Variants in DNAJB1 observed in about 807,000 individuals in gnomAD.
DNAJB1 encodes DnaJ heat shock protein family (Hsp40) member B1, also known as dnaJ homolog subfamily B member 1.
A neutral mutation model predicts 24.0 loss-of-function variants in DNAJB1; 14 were observed. The observed-to-expected ratio is 0.58, with a 90% CI of 0.39 to 0.91. DNAJB1 has a LOEUF of 0.91. DNAJB1 is among the 40% of genes least tolerant of loss of function. DNAJB1 has a pLI of 0.00. For missense variants in DNAJB1, 517 were observed against 458.1 expected, an observed-to-expected ratio of 1.13 and a Z score of -1.17; for synonymous variants, 262 against 174.4, an observed-to-expected ratio of 1.50 and a Z score of -3.96.
At chr19:14,521,658 G>C (rs2072361667), upstream of DNAJB1, among the ~76,000 whole-genome samples, 1 of 152,076 alleles carries the variant, frequency 6.6e-6, no homozygotes, top group Non-Finnish European at 1.5e-5. Flanking sequence ...TTTCACTCTT[G>C]TAGCCCAGGC....
At chr19:14,524,241 C>A (rs550914500) in intron 2 of DNAJB1, among the ~76,000 whole-genome samples, 5 of 152,278 alleles carry the variant, frequency 3.3e-5, no homozygotes, top group African/African-American at 7.2e-5. Flanking sequence ...GAAAAAAAGA[C>A]CTTCAGGCCA....
At chr19:14,536,291 A>T (rs1487365234) in intron 1 of DNAJB1, among the ~76,000 whole-genome samples, 2 of 145,306 alleles carry the variant, frequency 1.4e-5, no homozygotes, top group African/African-American at 5.2e-5. Flanking sequence ...TTTTCGTGAG[A>T]CAGAGTCCCC....
upstream of DNAJB1, among the ~76,000 whole-genome samples, chr19:14,520,367 G>A (rs1158042840): frequency 6.6e-6 from 1 of 152,202 alleles, no homozygotes; most frequent in African/African-American, 2.4e-5. Flanking sequence ...TTGAGCCCAG[G>A]AATTTGAGGC....
upstream of DNAJB1, among the ~76,000 whole-genome samples, chr19:14,518,578 AC>A (rs2072322075): frequency 6.9e-6 from 1 of 144,612 alleles, no homozygotes; most frequent in Non-Finnish European, 1.5e-5. Context: ...GCGCGGGGCC[AC>A]GCCCCCTCCC....
upstream of DNAJB1, among the ~76,000 whole-genome samples, chr19:14,553,323 G>T (rs1001951729): frequency 1.3e-5 from 2 of 152,140 alleles, no homozygotes; most frequent in Non-Finnish European, 2.9e-5. Context: ...GGCACCTCTC[G>T]TCTTGCCAGC....
rs1266273826 is a variant in DNAJB1, at chr19:14,535,586, ATATG to A, written c.-213-7780_-213-7777del. 2.6e-3 allele frequency among the ~76,000 whole-genome samples: 106 copies of A among 41,036 alleles called. 1 individual carries two copies. Among genetic ancestry groups the A allele is most frequent in the African/African-American group, 6.2e-3 (87 of 14,048 alleles). The allele number at this position is 41,036 out of a possible 152,430, so 26.9% of individuals were successfully genotyped here. A position where few individuals can be genotyped will look rare whatever the true frequency, so the allele number is the denominator to read the frequency against. ...TATATATATATATATATATATATAT[ATATG>A]TATGTATATATAAATTAGCCAGGCA... On this transcript the variant is annotated intron_variant, in intron 1 of 3. Transcript: ENST00000676982.
chr19:14,558,430 ACGC>A (rs1445428952), intron 1 of DNAJB1, among the ~76,000 whole-genome samples: 1 of 151,812 alleles, frequency 6.6e-6, no homozygotes. Flanking sequence ...GGTGCGCTTC[ACGC>A]CGCACCGTGT....
intron 1 of DNAJB1, among the ~76,000 whole-genome samples, chr19:14,559,112 C>T (rs575059034): frequency 5.9e-5 from 9 of 152,090 alleles, no homozygotes; most frequent in African/African-American, 1.2e-4. Context: ...TCCTCCCACC[C>T]GACTGTTTTT....
intron 1 of DNAJB1, chr19:14,545,868 A>G (rs906539692): frequency 6.5e-6 from 1 of 152,766 alleles, no homozygotes; most frequent in African/African-American, 2.4e-5. Context: ...GGAGCATCGG[A>G]AATGGGTCAC....
At chr19:14,559,845 C>T (rs566434360) in intron 1 of DNAJB1, among the ~76,000 whole-genome samples, 1 of 152,144 alleles carries the variant, frequency 6.6e-6, no homozygotes, top group South Asian at 2.1e-4. Flanking sequence ...GGAGAGGTCT[C>T]CTGCTCCCCC....
At chr19:14,534,579 G>A (rs760007806), upstream of DNAJB1, among the ~76,000 whole-genome samples, 13 of 151,862 alleles carry the variant, frequency 8.6e-5, no homozygotes, top group South Asian at 4.2e-4. Flanking sequence ...GTTATTACAG[G>A]TGGGTGCCAC....
chr19:14,547,668 T>TG (rs1172398016), intron 1 of DNAJB1, among the ~76,000 whole-genome samples: 1 of 151,368 alleles, frequency 6.6e-6, no homozygotes, highest in African/African-American at 2.4e-5. Context: ...AATATTTTTT[T>TG]TTTTTTTTGA....
chr19:14,560,309 G>A (rs1050759760), upstream of DNAJB1, among the ~76,000 whole-genome samples: 1 of 152,184 alleles, frequency 6.6e-6, no homozygotes, highest in African/African-American at 2.4e-5. Flanking sequence ...GAGTGGTTCA[G>A]CAGGAACTCG....
chr19:14,545,055 A>C, intron 1 of DNAJB1: 1 of 456,198 alleles, frequency 2.2e-6, no homozygotes, highest in East Asian at 7.0e-5. Flanking sequence ...GTTGTTTCTA[A>C]GCCTCTCACC....
intron 2 of DNAJB1, among the ~76,000 whole-genome samples, chr19:14,526,691 A>G (rs1035488521): frequency 7.9e-5 from 12 of 152,184 alleles, no homozygotes; most frequent in African/African-American, 2.7e-4. Flanking sequence ...GGGAATATGT[A>G]TGGAATCTCT....
upstream of DNAJB1, among the ~76,000 whole-genome samples, chr19:14,534,347 A>C (rs1311383680): frequency 2.1e-5 from 3 of 140,078 alleles, no homozygotes; most frequent in Admixed American, 1.5e-4. Flanking sequence ...GATGGTCTCG[A>C]TCTCCTGACC....
At chr19:14,555,941 C>G (rs576735071) in intron 1 of DNAJB1, among the ~76,000 whole-genome samples, 3 of 152,214 alleles carry the variant, frequency 2.0e-5, no homozygotes, top group South Asian at 4.1e-4. Flanking sequence ...CCTCACTCCT[C>G]CAGTCTGTTC....
chr19:14,520,018 C>T (rs576352444), upstream of DNAJB1, among the ~76,000 whole-genome samples: 247 of 152,282 alleles, frequency 1.6e-3, no homozygotes, highest in Non-Finnish European at 3.0e-3. Flanking sequence ...GCTTCATTCC[C>T]AGCTCCAGCA....
At chr19:14,535,230 G>A (rs1217864398) in intron 1 of DNAJB1, among the ~76,000 whole-genome samples, 7 of 151,570 alleles carry the variant, frequency 4.6e-5, no homozygotes, top group African/African-American at 9.7e-5. Context: ...AAAATTGGCC[G>A]GGTGCAGTGG....
Sources: allele counts gnomAD v4.1 joint callset (sites outside exome capture counted in the v4.1 genomes callset), GRCh38; gene constraint gnomAD v4.1.1; transcripts MANE v1.5; gene names NCBI Gene and HGNC (gene_info 2026-07-23, HGNC 2026-07-21).